The following SCNN1B variants were observed in gnomAD, a reference collection of about 807,000 sequenced individuals.
The protein encoded by SCNN1B is epithelial sodium channel subunit beta.
A neutral mutation model predicts 65.3 loss-of-function variants in SCNN1B; 46 were observed. The observed-to-expected ratio is 0.70, with a 90% CI of 0.56 to 0.90. The LOEUF (loss-of-function observed/expected upper bound fraction) is 0.90. Among genes scored for constraint, SCNN1B ranks in the 40% least tolerant of loss-of-function variants. SCNN1B has a pLI of 0.00. For synonymous variants in SCNN1B, 349 were observed against 330.6 expected, an observed-to-expected ratio of 1.06 and a Z score of -0.60; for missense variants, 751 against 830.5, an observed-to-expected ratio of 0.90 and a Z score of 1.18.
chr16:23,359,035 A>T (rs534331926), intron 4 of SCNN1B, among the ~76,000 whole-genome samples: 8 of 152,266 alleles, frequency 5.3e-5, no homozygotes, highest in African/African-American at 1.9e-4. Context: ...GTGTGTTAAA[A>T]TTGCTTTCAC....
Position 23,377,323 on chromosome 16 carries a change from T to C in SCNN1B, c.1347-6T>C, listed in dbSNP as rs760367808. On this transcript the variant is annotated splice_polypyrimidine_tract_variant and splice_region_variant and intron_variant, in intron 9 of 12. Coordinates refer to ENST00000343070, the MANE Select transcript of SCNN1B (RefSeq NM_000336.3). ...GGACCACAACAGGCCTGGCCTTCTC[T>C]TTCAGTGACACCCAGTACAAGATGA... The C allele has an allele frequency of 6.2e-7, 1 of 1,614,188 alleles. No homozygotes were observed. Among genetic ancestry groups the C allele is most frequent in the Non-Finnish European group, 8.5e-7 (1 of 1,180,018 alleles).
chr16:23,280,053 C>T (rs1384325754), intron 1 of SCNN1B, among the ~76,000 whole-genome samples: 1 of 152,152 alleles, frequency 6.6e-6, no homozygotes, highest in East Asian at 1.9e-4. Flanking sequence ...CAACAATCTT[C>T]CATTGTTGGT....
At chr16:23,379,851 C>T (rs1245060756) in intron 11 of SCNN1B, among the ~76,000 whole-genome samples, 3 of 152,150 alleles carry the variant, frequency 2.0e-5, no homozygotes, top group South Asian at 2.1e-4. Flanking sequence ...TTGCAGTTCT[C>T]GTTTGGACCT....
intron 1 of SCNN1B, among the ~76,000 whole-genome samples, chr16:23,305,185 T>G (rs1463814418): frequency 6.6e-6 from 1 of 152,050 alleles, no homozygotes; most frequent in Non-Finnish European, 1.5e-5. Context: ...GTGTGCCTGG[T>G]CCTGGGTTAA....
At chr16:23,338,613 G>A (rs961428458) in intron 1 of SCNN1B, among the ~76,000 whole-genome samples, 1 of 152,162 alleles carries the variant, frequency 6.6e-6, no homozygotes, top group South Asian at 2.1e-4. Flanking sequence ...ATGTCCACAT[G>A]AGCCAGAGCA....
At chr16:23,304,046 G>A (rs1356579508) in intron 1 of SCNN1B, 3 of 1,535,196 alleles carry the variant, frequency 2.0e-6, no homozygotes, top group Non-Finnish European at 8.7e-7. Context: ...CTGCTGCATG[G>A]ATTCCCGCCG....
chr16:23,327,876 G>A (rs2141998893), intron 1 of SCNN1B, among the ~76,000 whole-genome samples: 1 of 152,362 alleles, frequency 6.6e-6, no homozygotes, highest in Non-Finnish European at 1.5e-5. Flanking sequence ...AGAATAAACA[G>A]GAAGGTTTTC....
chr16:23,365,611 A>AAGAGAGAG (rs1483991687), intron 4 of SCNN1B, among the ~76,000 whole-genome samples: 8 of 68,160 alleles, frequency 1.2e-4, no homozygotes, highest in Non-Finnish European at 2.7e-4. Context: ...GAAAGAAAGA[A>AAGAGAGAG]AGAAAGAAAA....
At chr16:23,330,860 C>T (rs565934701) in intron 1 of SCNN1B, among the ~76,000 whole-genome samples, 35 of 152,222 alleles carry the variant, frequency 2.3e-4, no homozygotes, top group Non-Finnish European at 4.4e-4. Context: ...CATGCCCGGC[C>T]GAGATCTCTT....
At chr16:23,289,657 C>T (rs968830565) in intron 2 of SCNN1B, among the ~76,000 whole-genome samples, 7 of 149,492 alleles carry the variant, frequency 4.7e-5, no homozygotes, top group African/African-American at 1.7e-4. Flanking sequence ...TTACTGTTTA[C>T]TACTCCAATA....
Position 23,348,694 on chromosome 16 carries a change from A to G in SCNN1B, c.95A>G (p.Asn32Ser). 6.2e-7 allele frequency: 1 copy of G among 1,614,056 alleles called. No individual in the cohort carries two copies. The highest frequency in any genetic ancestry group is 8.5e-7 in the Non-Finnish European group (1 of 1,180,034). The change falls in exon 2 of 13, where the codon AAC (asparagine) becomes AGC (serine). Residue 32 changes from asparagine (N) to serine (S), a missense_variant. Physicochemically the swap from Asn to Ser is conservative, Grantham distance 46. Coordinates refer to ENST00000343070, the MANE Select transcript of SCNN1B (RefSeq NM_000336.3). This position sits in a 1 kb window ranked among gnomAD's most constrained non-coding sequence, Gnocchi z 4.5. ...GAGCTGCTGGTGTGGTACTGCGACAACACCAACACCCACGGCCCCAAGCGC... is the reference window on the plus strand; with the variant it reads ...GAGCTGCTGGTGTGGTACTGCGACAGCACCAACACCCACGGCCCCAAGCGC... ...YKELLVWYCD[N>S]TNTHGPKRII...
intron 1 of SCNN1B, among the ~76,000 whole-genome samples, chr16:23,334,231 G>A (rs985545131): frequency 7.9e-5 from 12 of 152,180 alleles, no homozygotes; most frequent in Admixed American, 5.9e-4. Flanking sequence ...TGTGGCTACC[G>A]CCTCAACACT....
intron 1 of SCNN1B, among the ~76,000 whole-genome samples, chr16:23,329,742 T>C (rs1432143108): frequency 2.0e-5 from 3 of 152,374 alleles, no homozygotes; most frequent in East Asian, 1.9e-4. Flanking sequence ...ACTGTATCTT[T>C]ATTGCATCTT....
At chr16:23,293,224 G>A (rs1179984661) in intron 2 of SCNN1B, among the ~76,000 whole-genome samples, 6 of 150,576 alleles carry the variant, frequency 4.0e-5, no homozygotes, top group African/African-American at 1.5e-4. Context: ...ATACTCATAG[G>A]AGCATTATTC....
chr16:23,282,009 T>C lies in SCNN1B; in HGVS notation n.111-1728T>C, dbSNP rs537914276. Among the ~76,000 whole-genome samples the C allele has an allele frequency of 4.6e-4, 70 of 152,000 alleles. 2 individuals are homozygous for C. The highest frequency in any genetic ancestry group is 9.3e-4 in the Non-Finnish European group (63 of 68,008). On this transcript the variant is annotated intron_variant and non_coding_transcript_variant, in intron 1 of 3. Coordinates refer to the SCNN1B transcript ENST00000569789. ...GAGTTCGAGACCAGCCTGGGCAACA[T>C]GGGGAAACTCCGTCTCTACAGAAAA...
intron 1 of SCNN1B, among the ~76,000 whole-genome samples, chr16:23,279,027 GA>G (rs1044115779): frequency 9.2e-5 from 14 of 151,718 alleles, no homozygotes; most frequent in Non-Finnish European, 1.6e-4. Flanking sequence ...GGCGGGTGTT[GA>G]AAAAAAGCCT....
intron 1 of SCNN1B, among the ~76,000 whole-genome samples, chr16:23,310,412 G>A (rs1961316948): frequency 6.6e-6 from 1 of 151,170 alleles, no homozygotes; most frequent in Non-Finnish European, 1.5e-5. Flanking sequence ...TGAGCACAGT[G>A]ACTCATGCCT....
At chr16:23,353,956 C>G (rs1962365072) in intron 3 of SCNN1B, among the ~76,000 whole-genome samples, 1 of 152,206 alleles carries the variant, frequency 6.6e-6, no homozygotes, top group Non-Finnish European at 1.5e-5. Flanking sequence ...GGCCCAGGCC[C>G]AGGAATCTGT....
intron 2 of SCNN1B, among the ~76,000 whole-genome samples, chr16:23,349,313 A>T (rs1213651968): frequency 6.6e-6 from 1 of 152,014 alleles, no homozygotes. Flanking sequence ...TCCCACTTCT[A>T]AAAAAAGTAA....
Sources: allele counts gnomAD v4.1 joint callset (sites outside exome capture counted in the v4.1 genomes callset), GRCh38; gene constraint gnomAD v4.1.1; non-coding constraint Gnocchi (gnomAD v3.1); transcripts MANE v1.5; gene names NCBI Gene and HGNC (gene_info 2026-07-23, HGNC 2026-07-21).